The following NALF1 variants were observed in gnomAD, a reference collection of about 807,000 sequenced individuals.
The protein encoded by NALF1 is family with sequence similarity 155 member A.
NALF1 carries 3 observed loss-of-function variants against 48.4 expected under a neutral mutation model. That is an observed-to-expected ratio of 0.06 (90% CI 0.03 to 0.16). The LOEUF is 0.16. NALF1 is among the 10% of genes least tolerant of loss of function. NALF1 has a pLI of 1.00. For synonymous variants in NALF1, 262 were observed against 245.7 expected (o/e 1.07, Z -0.62); for missense variants, 526 against 571.5 (o/e 0.92, Z 0.81).
At chr13:107,557,665 A>G (rs1051581121) in intron 1 of NALF1, among the ~76,000 whole-genome samples, 1 of 152,046 alleles carries the variant, frequency 6.6e-6, no homozygotes. Context: ...GAGATGGAAG[A>G]AAACACATTT....
rs1883073457 is a variant in NALF1, at chr13:107,362,172, T to C, written c.916-151417A>G. Among the ~76,000 whole-genome samples, 1 of 152,170 alleles carries C rather than the reference T, an allele frequency of 6.6e-6. No homozygotes were observed. The highest frequency in any genetic ancestry group is 1.5e-5 in the Non-Finnish European group (1 of 68,026). On this transcript the variant is annotated intron_variant, in intron 1 of 2. Transcript: ENST00000375915. This position sits in a 1 kb window ranked among gnomAD's most constrained non-coding sequence, Gnocchi z 4.6. ...AAAATAATCTACCCTTATTGACTGA[T>C]TCTCCAAATGACAAGGTTACCTGAT...
At chr13:107,657,711 T>C (rs1269524706) in intron 1 of NALF1, among the ~76,000 whole-genome samples, 2 of 152,124 alleles carry the variant, frequency 1.3e-5, no homozygotes, top group Non-Finnish European at 2.9e-5. Flanking sequence ...CACTCCTAAT[T>C]CCATCTAAGA....
At chr13:107,405,561 G>T (rs1239492576) in intron 1 of NALF1, among the ~76,000 whole-genome samples, 2 of 151,998 alleles carry the variant, frequency 1.3e-5, no homozygotes, top group African/African-American at 4.8e-5. Context: ...TGGGCAGTCA[G>T]GAGTTCAGTG....
In NALF1 at chr13:107,170,406, G is replaced by T; in HGVS notation, c.*91C>A. On this transcript the variant is annotated 3_prime_UTR_variant, in exon 3 of 3. Coordinates refer to ENST00000375915, the MANE Select transcript of NALF1 (RefSeq NM_001080396.3). ...AAAGGCCTTGCAATAAGTAATTCGA[G>T]GGTAAAAGCACCCAGTTTCTGTTAC... 2 of 1,333,574 alleles carry T rather than the reference G, an allele frequency of 1.5e-6. No individual in the cohort carries two copies. Among genetic ancestry groups the T allele is most frequent in the Non-Finnish European group, 2.1e-6 (2 of 973,198 alleles). The allele number at this position is 1,333,574 out of a possible 1,614,324, so 82.6% of individuals were successfully genotyped here.
intron 1 of NALF1, among the ~76,000 whole-genome samples, chr13:107,689,203 A>C (rs1448557597): frequency 1.3e-5 from 2 of 152,168 alleles, no homozygotes; most frequent in African/African-American, 4.8e-5. Flanking sequence ...AACTCAACCC[A>C]GCCAGTACTT....
Position 107,866,299 on chromosome 13 carries a change from CCTGCTGCCGCCGCTGCTGCTGCTG to C in NALF1, c.274_297del (p.Gln92_Gln99del). 1 of 1,605,846 alleles carries C rather than the reference CCTGCTGCCGCCGCTGCTGCTGCTG, an allele frequency of 6.2e-7. No individual in the cohort carries two copies. The highest frequency in any genetic ancestry group is 8.5e-7 in the Non-Finnish European group (1 of 1,178,174). ...GCCAGGAGCGCGGGCCAGGAGGGCT[CCTGCTGCCGCCGCTGCTGCTGCTG>C]CTGCTGCCGCTGCCTCTGCTGCTGC... On this transcript the variant is annotated inframe_deletion, in exon 1 of 3. Transcript: ENST00000375915. The surrounding 1 kb of genome is among the most constrained non-coding windows in gnomAD (Gnocchi z 4.4).
intron 1 of NALF1, among the ~76,000 whole-genome samples, chr13:107,495,604 T>C (rs1311154725): frequency 6.6e-6 from 1 of 152,198 alleles, no homozygotes; most frequent in African/African-American, 2.4e-5. Context: ...TGTGATTTGA[T>C]TTCCAGTGGT....
At chr13:107,559,569 A>G (rs1877583962) in intron 1 of NALF1, among the ~76,000 whole-genome samples, 1 of 152,204 alleles carries the variant, frequency 6.6e-6, no homozygotes, top group African/African-American at 2.4e-5. Context: ...GAGGTTGTAT[A>G]CGGTGTCCCT....
chr13:107,783,006 G>T (rs1304718912), intron 1 of NALF1, among the ~76,000 whole-genome samples: 50 of 148,050 alleles, frequency 3.4e-4, no homozygotes, highest in African/African-American at 1.1e-3. Flanking sequence ...GCCCCGTCCG[G>T]GAGGGAGGTG....
At chr13:107,375,269 C>A (rs1372716731) in intron 1 of NALF1, among the ~76,000 whole-genome samples, 2 of 152,140 alleles carry the variant, frequency 1.3e-5, no homozygotes, top group East Asian at 1.9e-4. Context: ...ATCAACAATT[C>A]TTTCCTGCCT....
intron 1 of NALF1, among the ~76,000 whole-genome samples, chr13:107,502,939 C>T (rs1271467686): frequency 6.6e-6 from 1 of 152,128 alleles, no homozygotes; most frequent in Non-Finnish European, 1.5e-5. Context: ...GCCCCACATC[C>T]CACAGTGTAT....
intron 1 of NALF1, among the ~76,000 whole-genome samples, chr13:107,740,325 C>T (rs1467973728): frequency 6.6e-6 from 1 of 152,026 alleles, no homozygotes; most frequent in Non-Finnish European, 1.5e-5. Context: ...AGAAACAAAA[C>T]CATAGAAGAT....
At chr13:107,270,755 C>T (rs1276907835) in intron 1 of NALF1, among the ~76,000 whole-genome samples, 1 of 151,688 alleles carries the variant, frequency 6.6e-6, no homozygotes, top group Admixed American at 6.6e-5. Context: ...TGTTGGTGTG[C>T]TGCACCCATT....
intron 1 of NALF1, among the ~76,000 whole-genome samples, chr13:107,366,855 A>G (rs1161707342): frequency 6.6e-6 from 1 of 152,146 alleles, no homozygotes; most frequent in Admixed American, 6.5e-5. Flanking sequence ...TCATGCTCAC[A>G]AAGGGGAAGG....
intron 1 of NALF1, among the ~76,000 whole-genome samples, chr13:107,363,541 G>A (rs1883101669): frequency 6.6e-6 from 1 of 152,236 alleles, no homozygotes. Context: ...TGAGGCTGAA[G>A]TGAGCTGTGA....
chr13:107,393,216 AAAG>A (rs1280500170), intron 1 of NALF1, among the ~76,000 whole-genome samples: 13 of 152,112 alleles, frequency 8.5e-5, no homozygotes, highest in Admixed American at 7.2e-4. Context: ...GTTACAGGAG[AAAG>A]AAGAAGGTCC....
chr13:107,862,403 G>A (rs887892214), intron 1 of NALF1, among the ~76,000 whole-genome samples: 10 of 151,918 alleles, frequency 6.6e-5, no homozygotes, highest in African/African-American at 2.2e-4. Flanking sequence ...AAAAATTTTG[G>A]TAGCTTTGTC....
In NALF1 at chr13:107,354,101, CTTAAA is replaced by C. The variant is rs765540653; in HGVS notation, c.916-143351_916-143347del. On this transcript the variant is annotated intron_variant, in intron 1 of 2. Coordinates refer to ENST00000375915, the MANE Select transcript of NALF1 (RefSeq NM_001080396.3). ...CAAAGCCCTAATTCTTCAACTACAA[CTTAAA>C]TTAAAAGAAGTGCTTCAAATTATAA... 4.6e-4 allele frequency among the ~76,000 whole-genome samples: 70 copies of C among 152,164 alleles called. 1 individual carries two copies. The highest frequency in any genetic ancestry group is 3.9e-4 in the Admixed American group (6 of 15,254).
intron 1 of NALF1, among the ~76,000 whole-genome samples, chr13:107,754,179 T>C (rs367571991): frequency 6.9e-4 from 105 of 152,328 alleles, no homozygotes; most frequent in African/African-American, 2.4e-3. Context: ...TTCCTACTTT[T>C]AAGTAAAGTT....
Sources: allele counts gnomAD v4.1 joint callset (sites outside exome capture counted in the v4.1 genomes callset), GRCh38; gene constraint gnomAD v4.1.1; non-coding constraint Gnocchi (gnomAD v3.1); transcripts MANE v1.5; gene names NCBI Gene and HGNC (gene_info 2026-07-23, HGNC 2026-07-21).